Variants in HFM1 observed in about 807,000 individuals in gnomAD.
The protein encoded by HFM1 is helicase for meiosis 1, also known as probable ATP-dependent DNA helicase HFM1.
In HFM1, 169 loss-of-function variants were observed where a neutral mutation model predicts 192.1. That is an observed-to-expected ratio of 0.88 (90% confidence interval 0.78 to 1.00). The LOEUF is 1.00. HFM1 is among the 50% of genes least tolerant of loss of function. HFM1 has a pLI of 0.00. For missense variants in HFM1, 1,661 were observed against 1,668.0 expected (o/e 1.00, Z 0.07); for synonymous variants, 525 against 537.8 (o/e 0.98, Z 0.33).
intron 30 of HFM1, among the ~76,000 whole-genome samples, chr1:91,287,569 A>G (rs1668167962): frequency 6.6e-6 from 1 of 152,222 alleles, no homozygotes; most frequent in African/African-American, 2.4e-5. Flanking sequence ...TAGGGAAAAA[A>G]CAGAGCAGAA....
Position 91,379,126 on chromosome 1 carries a change from A to G in HFM1, c.1095T>C (p.Thr365=), listed in dbSNP as rs1661251862. ...GPIGLNCKEL[T]GDTVMDDLFE... ...ATAGATCATCCATTACTGTATCTCCAGTAAGTTCTTTACAATTCAATCCTA... is the reference window on the plus strand; with the variant it reads ...ATAGATCATCCATTACTGTATCTCCGGTAAGTTCTTTACAATTCAATCCTA... Residue 365 remains threonine (T), a synonymous_variant, in exon 9 of 39, where the codon ACT becomes ACC. Coordinates refer to ENST00000370425, the MANE Select transcript of HFM1 (RefSeq NM_001017975.6). The G allele has an allele frequency of 8.1e-6, 13 of 1,607,192 alleles. No homozygotes were observed. Among genetic ancestry groups the G allele is most frequent in the Non-Finnish European group, 1.1e-5 (13 of 1,175,594 alleles).
intron 1 of HFM1, among the ~76,000 whole-genome samples, chr1:91,403,651 C>A (rs1474635811): frequency 6.6e-6 from 1 of 152,028 alleles, no homozygotes; most frequent in Non-Finnish European, 1.5e-5. Context: ...ATTAGATTGC[C>A]AAACACAATA....
chr1:91,372,784 T>C (rs756288958), intron 13 of HFM1, among the ~76,000 whole-genome samples: 12 of 152,172 alleles, frequency 7.9e-5, no homozygotes, highest in Non-Finnish European at 1.5e-4. Context: ...GCAGTTGGTA[T>C]GAAAATTATT....
At chr1:91,403,047 T>C (rs1664469842) in intron 1 of HFM1, among the ~76,000 whole-genome samples, 1 of 26,282 alleles carries the variant, frequency 3.8e-5, no homozygotes, top group Non-Finnish European at 7.0e-5. Flanking sequence ...AGTTCTTATA[T>C]ACTCCTGTGA....
At chr1:91,348,412 G>T (rs1359797257) in intron 18 of HFM1, among the ~76,000 whole-genome samples, 2 of 151,996 alleles carry the variant, frequency 1.3e-5, no homozygotes, top group Non-Finnish European at 2.9e-5. Context: ...TTAGCCACAG[G>T]TATCAAATTT....
chr1:91,318,993 AATC>A, intron 25 of HFM1, 82 bp downstream of exon 25: 1 of 1,311,034 alleles, frequency 7.6e-7, no homozygotes. Context: ...GAAGGTCTGT[AATC>A]ATCACAGAAT....
chr1:91,273,465 AG>A (rs1419021151), intron 34 of HFM1, among the ~76,000 whole-genome samples: 1 of 152,072 alleles, frequency 6.6e-6, no homozygotes, highest in Admixed American at 6.6e-5. Flanking sequence ...TTTTCCTCAT[AG>A]TATCTTTAAA....
At chr1:91,288,128 G>A (rs1668238468) in intron 30 of HFM1, among the ~76,000 whole-genome samples, 1 of 150,932 alleles carries the variant, frequency 6.6e-6, no homozygotes, top group South Asian at 2.1e-4. Flanking sequence ...ATCTAGCAAG[G>A]CAGGCCAACA....
Position 91,262,548 on chromosome 1 carries a change from G to C in HFM1, c.4019C>G (p.Ser1340Cys). The change falls in exon 37 of 39, where the codon TCT (serine) becomes TGT (cysteine). Residue 1340 changes from serine (S) to cysteine (C), a missense_variant. Coordinates refer to ENST00000370425, the MANE Select transcript of HFM1 (RefSeq NM_001017975.6). ...HEMSDISLSN[S>C]AMPKFSASSM... ...GGATGCACTGAACTTGGGCATAGCA[G>C]AATTTGATAAAGAAATATCCGACAT... 2 of 1,606,290 alleles carry C rather than the reference G, an allele frequency of 1.2e-6. No homozygotes were observed. The highest frequency in any genetic ancestry group is 1.7e-6 in the Non-Finnish European group (2 of 1,175,096).
chr1:91,294,082 G>A (rs1257148977), intron 30 of HFM1, among the ~76,000 whole-genome samples: 1 of 150,832 alleles, frequency 6.6e-6, no homozygotes, highest in African/African-American at 2.4e-5. Flanking sequence ...ATAGCATTGG[G>A]AGATATACCT....
At chr1:91,367,528 C>T (rs1009158177) in intron 13 of HFM1, among the ~76,000 whole-genome samples, 4 of 152,152 alleles carry the variant, frequency 2.6e-5, no homozygotes, top group Non-Finnish European at 4.4e-5. Context: ...CTCCAACAGA[C>T]CTGCAGCTGA....
chr1:91,340,122 C>G (rs1327560069), intron 20 of HFM1, among the ~76,000 whole-genome samples: 8 of 152,132 alleles, frequency 5.3e-5, no homozygotes, highest in Non-Finnish European at 7.3e-5. Flanking sequence ...CCTGCCACCT[C>G]AGCATCCTAA....
chr1:91,293,946 A>T (rs1035143402), intron 30 of HFM1, among the ~76,000 whole-genome samples: 6 of 151,124 alleles, frequency 4.0e-5, no homozygotes, highest in African/African-American at 1.2e-4. Context: ...AACTATCGCA[A>T]GAACAAAAAA....
intron 31 of HFM1, 32 bp downstream of exon 31, chr1:91,276,950 C>A (rs760496995): frequency 7.6e-7 from 1 of 1,315,812 alleles, no homozygotes; most frequent in East Asian, 2.4e-5. Flanking sequence ...CAATTTTGAA[C>A]ACTTTAAATA....
intron 1 of HFM1, among the ~76,000 whole-genome samples, chr1:91,401,507 AT>A (rs1418428710): frequency 1.3e-5 from 2 of 152,132 alleles, no homozygotes; most frequent in Non-Finnish European, 2.9e-5. Flanking sequence ...TCACACCATT[AT>A]TTTCAAGTTA....
chr1:91,393,737 A>G (rs1663286388), intron 4 of HFM1, among the ~76,000 whole-genome samples: 1 of 150,282 alleles, frequency 6.7e-6, no homozygotes, highest in African/African-American at 2.5e-5. Flanking sequence ...ATGAACTCTT[A>G]AAGAAAAGAA....
At chr1:91,336,445 T>C (rs1654588728) in intron 20 of HFM1, among the ~76,000 whole-genome samples, 1 of 151,658 alleles carries the variant, frequency 6.6e-6, no homozygotes, top group Non-Finnish European at 1.5e-5. Context: ...CATCCTGTCC[T>C]TTCTTCTTTC....
At chr1:91,368,794 A>G (rs1659747736) in intron 13 of HFM1, among the ~76,000 whole-genome samples, 1 of 152,192 alleles carries the variant, frequency 6.6e-6, no homozygotes, top group Non-Finnish European at 1.5e-5. Flanking sequence ...ATTAAAAGAC[A>G]CAGACTGGCA....
chr1:91,328,770 T>G (rs1187745344), intron 20 of HFM1: 1 of 1,610,978 alleles, frequency 6.2e-7, no homozygotes, highest in Non-Finnish European at 8.5e-7. Flanking sequence ...ACTAAGTGGC[T>G]GGTGAAGGTC....
Sources: allele counts gnomAD v4.1 joint callset (sites outside exome capture counted in the v4.1 genomes callset), GRCh38; gene constraint gnomAD v4.1.1; transcripts MANE v1.5; gene names NCBI Gene and HGNC (gene_info 2026-07-23, HGNC 2026-07-21).